CACNA2D3: variants seen among roughly 807,000 people sequenced by gnomAD.
CACNA2D3 encodes calcium voltage-gated channel auxiliary subunit alpha2delta 3.
In CACNA2D3, 60 loss-of-function variants were observed where a neutral mutation model predicts 160.6. The ratio of observed to expected loss-of-function variants is 0.37; its 90% CI spans 0.30 to 0.46. The LOEUF (loss-of-function observed/expected upper bound fraction) is 0.46. Among genes scored for constraint, CACNA2D3 ranks in the 20% least tolerant of loss-of-function variants. CACNA2D3 has a pLI of 1.00. For synonymous variants in CACNA2D3, 558 were observed against 492.9 expected (o/e 1.13, Z -1.75); for missense variants, 1,205 against 1,365.0 (o/e 0.88, Z 1.85).
intron 9 of CACNA2D3, among the ~76,000 whole-genome samples, chr3:54,612,943 C>T (rs950936437): frequency 1.3e-5 from 2 of 152,096 alleles, no homozygotes; most frequent in African/African-American, 4.8e-5. Context: ...TGCTGTGGCT[C>T]AGGGATACAG....
chr3:54,222,965 C>T (rs1004185718), intron 2 of CACNA2D3, among the ~76,000 whole-genome samples: 2 of 151,808 alleles, frequency 1.3e-5, no homozygotes, highest in Admixed American at 6.6e-5. Flanking sequence ...TTCATTTGTC[C>T]CATATGTTCT....
At chr3:54,471,961 C>T (rs560905460) in intron 4 of CACNA2D3, among the ~76,000 whole-genome samples, 1 of 152,180 alleles carries the variant, frequency 6.6e-6, no homozygotes, top group East Asian at 1.9e-4. Flanking sequence ...TGAATTCTAC[C>T]AGAGGTACAA....
chr3:55,045,080 T>C (rs1444741953), intron 35 of CACNA2D3, among the ~76,000 whole-genome samples: 1 of 152,130 alleles, frequency 6.6e-6, no homozygotes, highest in Non-Finnish European at 1.5e-5. Flanking sequence ...CAGAGTTTCA[T>C]TCTTGTTGCC....
rs189691931 is a variant in CACNA2D3 at position 54,142,779 on chromosome 3, C to T, written c.204+19185C>T. ...GCATGGAATATGTTAATTGGCTTTC[C>T]CAAAGCTATTTGGCTAGGAGGCAGT... On this transcript the variant is annotated intron_variant, in intron 2 of 37. Transcript: ENST00000474759. Among the ~76,000 whole-genome samples the T allele has an allele frequency of 3.3e-5, 5 of 152,250 alleles. No individual in the cohort carries two copies. In the East Asian group the frequency reaches 9.6e-4, roughly 29 times the overall value.
chr3:54,401,576 C>T (rs947698488), intron 4 of CACNA2D3, among the ~76,000 whole-genome samples: 3 of 151,896 alleles, frequency 2.0e-5, no homozygotes, highest in Admixed American at 6.6e-5. Flanking sequence ...ACGTTGCAAG[C>T]CAGGAGAGAA....
At chr3:54,148,558 G>A (rs1700080811) in intron 2 of CACNA2D3, among the ~76,000 whole-genome samples, 1 of 152,148 alleles carries the variant, frequency 6.6e-6, no homozygotes, top group Non-Finnish European at 1.5e-5. Flanking sequence ...TAGGTGAAGC[G>A]AAAAAGGAGG....
At chr3:54,371,810 A>G (rs1322383539) in intron 3 of CACNA2D3, among the ~76,000 whole-genome samples, 1 of 152,254 alleles carries the variant, frequency 6.6e-6, no homozygotes, top group Non-Finnish European at 1.5e-5. Flanking sequence ...GATATCTTCA[A>G]TTTTGAAGTC....
intron 2 of CACNA2D3, chr3:54,197,513 T>A (rs1006488896): frequency 2.0e-5 from 3 of 152,086 alleles, no homozygotes; most frequent in Non-Finnish European, 4.4e-5. Context: ...TCGAAGTGAG[T>A]TTTAATTTTT....
intron 13 of CACNA2D3, among the ~76,000 whole-genome samples, chr3:54,806,042 GA>G (rs1703112736): frequency 1.3e-5 from 2 of 152,108 alleles, no homozygotes; most frequent in Non-Finnish European, 1.5e-5. Context: ...AGGTATTGAT[GA>G]GACATATCTC....
At chr3:54,129,869 A>C (rs1472253440) in intron 2 of CACNA2D3, among the ~76,000 whole-genome samples, 1 of 152,234 alleles carries the variant, frequency 6.6e-6, no homozygotes, top group Non-Finnish European at 1.5e-5. Flanking sequence ...GATGCTGCTC[A>C]TCACAGAACG....
Position 54,432,665 on chromosome 3 carries a change from T to C in CACNA2D3, c.381+45891T>C, listed in dbSNP as rs575127544. Among the ~76,000 whole-genome samples the C allele has an allele frequency of 1.4e-4, 21 of 152,312 alleles. 1 individual carries two copies. Among genetic ancestry groups the C allele is most frequent in the Admixed American group, 1.2e-3 (19 of 15,304 alleles). ...TGAAACACTACAAACACATTAAGAA[T>C]GTGAGGCTTTCAGCATATGCATATT... is the stretch of plus-strand genomic sequence containing the variant. On this transcript the variant is annotated intron_variant, in intron 4 of 37. Coordinates refer to ENST00000474759, the MANE Select transcript of CACNA2D3 (RefSeq NM_018398.3).
chr3:54,320,650 A>C, intron 3 of CACNA2D3, 92 bp downstream of exon 3: 1 of 616,886 alleles, frequency 1.6e-6, no homozygotes, highest in East Asian at 3.1e-5. Context: ...CAAAGATAAA[A>C]GTTGACTCAC....
chr3:54,705,264 C>T (rs1191745028), intron 11 of CACNA2D3, among the ~76,000 whole-genome samples: 2 of 152,162 alleles, frequency 1.3e-5, no homozygotes, highest in African/African-American at 4.8e-5. Flanking sequence ...CACATTATTT[C>T]CTTTCCCAGC....
rs565352298 is a variant in CACNA2D3, at chr3:54,174,809, G to A, written c.204+51215G>A. 2.6e-4 allele frequency among the ~76,000 whole-genome samples: 40 copies of A among 152,356 alleles called. 1 individual carries two copies. The highest frequency in any genetic ancestry group is 9.1e-4 in the African/African-American group (38 of 41,588). On this transcript the variant is annotated intron_variant, in intron 2 of 37. Coordinates refer to ENST00000474759, the MANE Select transcript of CACNA2D3 (RefSeq NM_018398.3). The stretch of plus-strand genomic sequence containing the variant: ...CAAAGTGCTGGGATTACAGGCGTGA[G>A]CCACTGTGCCTGGCCTGAAGTTGGA...
intron 11 of CACNA2D3, among the ~76,000 whole-genome samples, chr3:54,696,546 G>C (rs1559552184): frequency 2.6e-5 from 4 of 152,126 alleles, no homozygotes; most frequent in African/African-American, 9.7e-5. Flanking sequence ...TCAGCAGAGG[G>C]GTGTGTGGTC....
intron 2 of CACNA2D3, among the ~76,000 whole-genome samples, chr3:54,255,613 G>T (rs571449864): frequency 3.3e-5 from 5 of 152,030 alleles, no homozygotes; most frequent in Non-Finnish European, 4.4e-5. Context: ...TCCTTTGCTT[G>T]CAAGTCCAGC....
At chr3:54,199,049 T>C (rs528348711) in intron 2 of CACNA2D3, among the ~76,000 whole-genome samples, 6 of 152,370 alleles carry the variant, frequency 3.9e-5, no homozygotes, top group African/African-American at 1.4e-4. Context: ...CCTTCACTTC[T>C]TGTTTTCCTT....
intron 17 of CACNA2D3, among the ~76,000 whole-genome samples, chr3:54,858,331 A>C (rs375813081): frequency 1.2e-4 from 18 of 151,962 alleles, no homozygotes; most frequent in Non-Finnish European, 2.6e-4. Flanking sequence ...TAATTGATCA[A>C]TTGCTTTTCT....
intron 2 of CACNA2D3, among the ~76,000 whole-genome samples, chr3:54,229,449 T>A (rs2107390137): frequency 6.6e-6 from 1 of 152,304 alleles, no homozygotes; most frequent in East Asian, 1.9e-4. Flanking sequence ...TGCCTTGGCC[T>A]CCCAAAGTGC....
Sources: gnomAD v4.1 joint callset for allele counts (sites outside exome capture counted in the v4.1 genomes callset) on GRCh38, gnomAD v4.1.1 for gene constraint, MANE v1.5 for transcripts, NCBI Gene and HGNC (gene_info 2026-07-23, HGNC 2026-07-21) for gene names.